FAM149B1: variants seen among roughly 807,000 people sequenced by gnomAD.
FAM149B1 encodes the protein primary cilium assembly protein FAM149B1.
In FAM149B1, 56 loss-of-function variants were observed where a neutral mutation model predicts 75.3. The observed-to-expected ratio is 0.74, with a 90% confidence interval of 0.60 to 0.93. The LOEUF (loss-of-function observed/expected upper bound fraction) is 0.93. FAM149B1 is among the 40% of genes least tolerant of loss of function. FAM149B1 has a pLI of 0.00. For missense variants in FAM149B1, 639 were observed against 708.4 expected (o/e 0.90, Z 1.11); for synonymous variants, 259 against 256.1 (o/e 1.01, Z -0.11).
At chr10:73,237,191 A>C in intron 12 of FAM149B1, among the ~76,000 whole-genome samples, 1 of 152,174 alleles carries the variant, frequency 6.6e-6, no homozygotes, top group East Asian at 1.9e-4. Context: ...TTCCAGGTGG[A>C]CATAAATTTT....
chr10:73,172,909 C>G (rs1421032864), intron 1 of FAM149B1, among the ~76,000 whole-genome samples: 1 of 151,102 alleles, frequency 6.6e-6, no homozygotes, highest in Non-Finnish European at 1.5e-5. Context: ...TTAGAGACAG[C>G]CTGAGCAACA....
chr10:73,168,536 C>T (rs2133284338), intron 1 of FAM149B1, 150 bp downstream of exon 1: 1 of 922,260 alleles, frequency 1.1e-6, no homozygotes, highest in East Asian at 3.0e-5. Flanking sequence ...GGACCCTGCC[C>T]CTTCTTCCTC....
chr10:73,215,009 T>C (rs945532963), intron 7 of FAM149B1, among the ~76,000 whole-genome samples: 3 of 152,092 alleles, frequency 2.0e-5, no homozygotes, highest in African/African-American at 7.2e-5. Flanking sequence ...TTGTTGTTTG[T>C]TTTTCAGTTT....
At chr10:73,232,884 T>C (rs2043738413) in intron 9 of FAM149B1, 55 bp from the exon 10 acceptor site, 1 of 1,075,344 alleles carries the variant, frequency 9.3e-7, no homozygotes. Context: ...GTTAGTCTTG[T>C]CTTCCTTGAC....
chr10:73,169,926 C>G (rs951210510), intron 1 of FAM149B1, among the ~76,000 whole-genome samples: 1 of 116,104 alleles, frequency 8.6e-6, no homozygotes. Context: ...CTTCATGGAG[C>G]TATATAATTT....
At chr10:73,195,108 A>G (rs976383761) in intron 5 of FAM149B1, among the ~76,000 whole-genome samples, 2 of 152,246 alleles carry the variant, frequency 1.3e-5, no homozygotes, top group African/African-American at 4.8e-5. Flanking sequence ...AAAATATAAT[A>G]TCATAGTTTT....
chr10:73,236,570 C>T (rs920687163), intron 12 of FAM149B1, among the ~76,000 whole-genome samples: 9 of 151,736 alleles, frequency 5.9e-5, no homozygotes, highest in Non-Finnish European at 1.0e-4. Context: ...CCTGCCACCA[C>T]GCCCAGCTAA....
chr10:73,234,945 G>A lies in FAM149B1; in HGVS notation c.1476+5G>A, dbSNP rs2043789416. ...GTGGGGCCACAAAGACAGATGGTATGTTTCTTTCATATTGCCTCTCCATGT... is the reference window on the plus strand; with the variant it reads ...GTGGGGCCACAAAGACAGATGGTATATTTCTTTCATATTGCCTCTCCATGT... On this transcript the variant is annotated splice_donor_5th_base_variant and intron_variant, in intron 11 of 13. Coordinates refer to ENST00000242505, the MANE Select transcript of FAM149B1 (RefSeq NM_173348.2). The A allele has an allele frequency of 6.4e-7, 1 of 1,551,678 alleles. No homozygotes were observed. The highest frequency in any genetic ancestry group is 1.4e-5 in the African/African-American group (1 of 73,028).
At chr10:73,225,864 G>A (rs1477572148) in intron 7 of FAM149B1, among the ~76,000 whole-genome samples, 1 of 152,048 alleles carries the variant, frequency 6.6e-6, no homozygotes, top group Non-Finnish European at 1.5e-5. Flanking sequence ...GCTAACCATT[G>A]TGTTATAGTT....
At chr10:73,181,173 AT>A (rs1328853035) in intron 3 of FAM149B1, among the ~76,000 whole-genome samples, 12 of 151,426 alleles carry the variant, frequency 7.9e-5, no homozygotes, top group African/African-American at 2.9e-4. Context: ...CACCCAGCTA[AT>A]TTTTTGTATT....
rs1843533480 is a variant in FAM149B1, at chr10:73,168,254, C to T, written c.-86C>T. 2.1e-6 allele frequency: 3 copies of T among 1,449,798 alleles called. No individual in the cohort carries two copies. The highest frequency in any genetic ancestry group is 4.3e-5 in the Admixed American group (2 of 46,022). 89.8% of individuals were successfully genotyped at this position (1,449,798 alleles called of 1,614,324 possible). ...GCGGGAGGGGCCGGGCCGGAGCCGGCGGGAGGGCCAGGCCCGGAGGCCCCC... is the reference window on the plus strand; with the variant it reads ...GCGGGAGGGGCCGGGCCGGAGCCGGTGGGAGGGCCAGGCCCGGAGGCCCCC... On this transcript the variant is annotated 5_prime_UTR_variant, in exon 1 of 14. Coordinates refer to ENST00000242505, the MANE Select transcript of FAM149B1 (RefSeq NM_173348.2).
At chr10:73,205,793 C>T (rs2043041927) in intron 5 of FAM149B1, among the ~76,000 whole-genome samples, 1 of 152,058 alleles carries the variant, frequency 6.6e-6, no homozygotes, top group Admixed American at 6.6e-5. Context: ...ACCTCGTGAT[C>T]CGCCTGCCTC....
chr10:73,212,435 C>CA (rs1299724893), intron 7 of FAM149B1, among the ~76,000 whole-genome samples: 2 of 152,128 alleles, frequency 1.3e-5, no homozygotes, highest in African/African-American at 2.4e-5. Flanking sequence ...TGTGCACCAT[C>CA]ACGCCCAGCT....
chr10:73,228,136 G>A lies in FAM149B1; in HGVS notation c.975G>A (p.Val325=). The part of the protein sequence containing the change: ...SCVLSELHPL[V]LPRVPQSKVL... ...TGCTGAGTGAACTACATCCTTTGGT[G>A]TTACCGCGAGTGCCACAGTCTAAGG... Residue 325 remains valine (V), a synonymous_variant, in exon 8 of 14, where the codon GTG becomes GTA. Transcript: ENST00000242505. The A allele has an allele frequency of 6.4e-7, 1 of 1,551,548 alleles. No individual in the cohort carries two copies. The highest frequency in any genetic ancestry group is 8.7e-7 in the Non-Finnish European group (1 of 1,146,876).
chr10:73,186,377 G>A (rs546588866), intron 3 of FAM149B1, among the ~76,000 whole-genome samples: 4 of 152,202 alleles, frequency 2.6e-5, no homozygotes, highest in East Asian at 1.9e-4. Context: ...TAGAACTAAC[G>A]TTATTATATG....
At chr10:73,222,818 C>T (rs1035555789) in intron 7 of FAM149B1, among the ~76,000 whole-genome samples, 2 of 152,060 alleles carry the variant, frequency 1.3e-5, no homozygotes, top group African/African-American at 4.8e-5. Flanking sequence ...AGAAGTCCAA[C>T]ATTTTTAAAC....
intron 7 of FAM149B1, among the ~76,000 whole-genome samples, chr10:73,220,099 T>A (rs1445973112): frequency 6.6e-6 from 1 of 151,590 alleles, no homozygotes; most frequent in African/African-American, 2.4e-5. Context: ...TGGATAGATA[T>A]TTCTCCAAAG....
At chr10:73,225,785 C>T (rs1327663778) in intron 7 of FAM149B1, among the ~76,000 whole-genome samples, 2 of 152,134 alleles carry the variant, frequency 1.3e-5, no homozygotes, top group African/African-American at 4.8e-5. Flanking sequence ...GTACCTGTAC[C>T]ATTTTTATCT....
At chr10:73,181,009 C>CTT (rs558040188) in intron 3 of FAM149B1, among the ~76,000 whole-genome samples, 7 of 137,716 alleles carry the variant, frequency 5.1e-5, no homozygotes, top group Non-Finnish European at 6.3e-5. Flanking sequence ...TTTTCTAGTT[C>CTT]TTTTTTTTTT....
Sources: gnomAD v4.1 joint callset for allele counts (sites outside exome capture counted in the v4.1 genomes callset) on GRCh38, gnomAD v4.1.1 for gene constraint, MANE v1.5 for transcripts, NCBI Gene and HGNC (gene_info 2026-07-23, HGNC 2026-07-21) for gene names.